Variants in B4GALNT3 observed in about 807,000 individuals in gnomAD.
B4GALNT3 encodes beta-1,4-N-acetylgalactosaminyltransferase 3.
A neutral mutation model predicts 120.2 loss-of-function variants in B4GALNT3; 86 were observed. That is an observed-to-expected ratio of 0.72 (90% confidence interval 0.60 to 0.86). B4GALNT3 has a LOEUF of 0.86. Among genes scored for constraint, B4GALNT3 ranks in the 40% least tolerant of loss-of-function variants. B4GALNT3 has a pLI of 0.00. For synonymous variants in B4GALNT3, 518 were observed against 510.4 expected, an observed-to-expected ratio of 1.01 and a Z score of -0.20; for missense variants, 1,167 against 1,298.9, an observed-to-expected ratio of 0.90 and a Z score of 1.56.
intron 1 of B4GALNT3, among the ~76,000 whole-genome samples, chr12:498,100 G>A (rs73590377): frequency 0.037 from 5,655 of 152,100 alleles, 334 homozygotes; most frequent in African/African-American, 0.13. Context: ...CTGCCCTGTC[G>A]GTTGCGAAGT....
rs386375353 is a variant in B4GALNT3, at chr12:474,947, CA to C, written c.169+14422del. Among the ~76,000 whole-genome samples, 433 of 60,618 alleles carry C rather than the reference CA, an allele frequency of 7.1e-3. 4 individuals are homozygous for C. The highest frequency in any genetic ancestry group is 0.028 in the African/African-American group (372 of 13,312). 39.8% of individuals were successfully genotyped at this position (60,618 alleles called of 152,430 possible). On this transcript the variant is annotated intron_variant, in intron 1 of 19. Coordinates refer to ENST00000266383, the MANE Select transcript of B4GALNT3 (RefSeq NM_173593.4). ...TGGGTGACAGAGGGAGACCTTGTCT[CA>C]AAAAAAAAAAAAAAAAAAAGCCAAG... is the stretch of plus-strand genomic sequence containing the variant.
intron 1 of B4GALNT3, among the ~76,000 whole-genome samples, chr12:475,673 A>G (rs1042935635): frequency 6.6e-6 from 1 of 151,972 alleles, no homozygotes; most frequent in African/African-American, 2.4e-5. Context: ...TTCCTCAATT[A>G]TTTTAGAACC....
intron 19 of B4GALNT3, among the ~76,000 whole-genome samples, chr12:559,661 C>T (rs1947203274): frequency 6.6e-6 from 1 of 152,058 alleles, no homozygotes; most frequent in Admixed American, 6.6e-5. Context: ...ATTAACATGC[C>T]TGGTACACCG....
intron 16 of B4GALNT3, 78 bp from the exon 17 acceptor site, chr12:557,938 C>A: frequency 1.3e-6 from 2 of 1,543,524 alleles, no homozygotes; most frequent in Non-Finnish European, 1.8e-6. Flanking sequence ...CATCATCTCT[C>A]TTCTATGCCT....
intron 4 of B4GALNT3, 83 bp downstream of exon 4, chr12:544,517 C>G (rs897765500): frequency 8.8e-6 from 11 of 1,245,130 alleles, no homozygotes; most frequent in Non-Finnish European, 1.3e-5. Context: ...TTCCTTACAT[C>G]TTTTCTGGTC....
Position 550,893 on chromosome 12 carries a change from CCTCACT to C in B4GALNT3, c.998-27_998-22del, listed in dbSNP as rs773852783. On this transcript the variant is annotated intron_variant, in intron 10 of 19. Transcript: ENST00000266383. The surrounding 1 kb of genome is among the most constrained non-coding windows in gnomAD (Gnocchi z 4.1). ...GCCCCAGTTTCGTGCTCACCCTCAC[CCTCACT>C]CCTCCTCCTCCACTGTCCTCAGTGC... is the stretch of plus-strand genomic sequence containing the variant. 4 of 1,555,618 alleles carry C rather than the reference CCTCACT, an allele frequency of 2.6e-6. No homozygotes were observed. Among genetic ancestry groups the C allele is most frequent in the Non-Finnish European group, 3.5e-6 (4 of 1,128,050 alleles).
chr12:515,467 G>C lies in B4GALNT3; in HGVS notation c.170-19699G>C, dbSNP rs138082569. On this transcript the variant is annotated intron_variant, in intron 1 of 19. Coordinates refer to ENST00000266383, the MANE Select transcript of B4GALNT3 (RefSeq NM_173593.4). ...CTGCCTCAGCCTCCCAAAGTGCTGGGATTTTAGGCGTGAGCCACCGCACCC... is the reference window on the plus strand; with the variant it reads ...CTGCCTCAGCCTCCCAAAGTGCTGGCATTTTAGGCGTGAGCCACCGCACCC... Among the ~76,000 whole-genome samples the C allele has an allele frequency of 9.7e-3, 1,473 of 152,236 alleles. 9 individuals carry two copies. Among genetic ancestry groups the C allele is most frequent in the Non-Finnish European group, 0.014 (986 of 68,022 alleles).
At chr12:507,853 C>G (rs1003447266) in intron 1 of B4GALNT3, among the ~76,000 whole-genome samples, 4 of 142,630 alleles carry the variant, frequency 2.8e-5, no homozygotes, top group Admixed American at 7.0e-5. Context: ...GACACCTGCC[C>G]CTGGAAATCC....
At chr12:534,323 C>T (rs1377607287) in intron 1 of B4GALNT3, among the ~76,000 whole-genome samples, 1 of 152,158 alleles carries the variant, frequency 6.6e-6, no homozygotes, top group African/African-American at 2.4e-5. Context: ...TCCACTTATC[C>T]AAAGCCCAGC....
At chr12:478,359 G>GA (rs1321513826) in intron 1 of B4GALNT3, among the ~76,000 whole-genome samples, 1 of 149,452 alleles carries the variant, frequency 6.7e-6, no homozygotes, top group Non-Finnish European at 1.5e-5. Context: ...CATGAAAATT[G>GA]AAAAAATATT....
At chr12:496,119 C>T (rs1428111738) in intron 1 of B4GALNT3, among the ~76,000 whole-genome samples, 1 of 152,088 alleles carries the variant, frequency 6.6e-6, no homozygotes, top group Non-Finnish European at 1.5e-5. Context: ...TGTCCCCTGT[C>T]CAGGATCATG....
chr12:498,145 G>C (rs1002479270), intron 1 of B4GALNT3, among the ~76,000 whole-genome samples: 1 of 152,140 alleles, frequency 6.6e-6, no homozygotes, highest in Non-Finnish European at 1.5e-5. Flanking sequence ...CTAGTACCTT[G>C]GCAGTGCCCC....
rs891766886 is a variant in B4GALNT3 at position 556,655 on chromosome 12, G to A, written c.2169G>A (p.Val723=). 6.2e-7 allele frequency: 1 copy of A among 1,614,070 alleles called. No homozygotes were observed. Among genetic ancestry groups the A allele is most frequent in the Admixed American group, 1.7e-5 (1 of 60,030 alleles). Residue 723 remains valine (V), a synonymous_variant, in exon 15 of 20, where the codon GTG becomes GTA. Coordinates refer to ENST00000266383, the MANE Select transcript of B4GALNT3 (RefSeq NM_173593.4). ...TGTTGGAACAAGGCCAGCGCGTGGTGCGGCTCTCGGAGTATGTGTCTGCAC... is the reference window on the plus strand; with the variant it reads ...TGTTGGAACAAGGCCAGCGCGTGGTACGGCTCTCGGAGTATGTGTCTGCAC... ...LELLEQGQRV[V]RLSEYVSARG...
chr12:501,752 A>G (rs1237554525), intron 1 of B4GALNT3, among the ~76,000 whole-genome samples: 1 of 152,178 alleles, frequency 6.6e-6, no homozygotes, highest in Non-Finnish European at 1.5e-5. Context: ...CTAATTCAGG[A>G]GGTCTGGGTA....
intron 1 of B4GALNT3, among the ~76,000 whole-genome samples, chr12:487,727 GAAAGA>G (rs988351297): frequency 1.5e-5 from 2 of 133,632 alleles, no homozygotes; most frequent in African/African-American, 2.9e-5. Flanking sequence ...AAAAAAAAAA[GAAAGA>G]AAAGAAGAAG....
intron 1 of B4GALNT3, among the ~76,000 whole-genome samples, chr12:496,755 G>C (rs897062615): frequency 6.6e-6 from 1 of 152,166 alleles, no homozygotes; most frequent in African/African-American, 2.4e-5. Flanking sequence ...CCCTTCCTCA[G>C]ACCCTGGCAA....
chr12:546,409 C>G (rs1357575464), intron 6 of B4GALNT3, among the ~76,000 whole-genome samples: 3 of 152,042 alleles, frequency 2.0e-5, no homozygotes, highest in East Asian at 3.9e-4. Flanking sequence ...TGCTGACTCG[C>G]GCTGCAGGTC....
chr12:514,754 C>T lies in B4GALNT3; in HGVS notation c.170-20412C>T, dbSNP rs192732507. 5.3e-5 allele frequency among the ~76,000 whole-genome samples: 8 copies of T among 152,020 alleles called. No individual in the cohort carries two copies. In the South Asian group the frequency reaches 6.3e-4, roughly 12 times the overall value. On this transcript the variant is annotated intron_variant, in intron 1 of 19. Coordinates refer to ENST00000266383, the MANE Select transcript of B4GALNT3 (RefSeq NM_173593.4). Reference sequence around the variant, plus strand: ...TTAAGAACACAAATTCTGGGCTGGGCGTGGTGGCTTACACCTGTAATCCCA... The same window carrying T: ...TTAAGAACACAAATTCTGGGCTGGGTGTGGTGGCTTACACCTGTAATCCCA...
At chr12:551,762 T>G (rs1592055822) in intron 11 of B4GALNT3, among the ~76,000 whole-genome samples, 2 of 149,218 alleles carry the variant, frequency 1.3e-5, no homozygotes, top group African/African-American at 5.0e-5. Flanking sequence ...GAGGAAGGAG[T>G]GGTTTTGGCT....
Sources: allele counts gnomAD v4.1 joint callset (sites outside exome capture counted in the v4.1 genomes callset), GRCh38; gene constraint gnomAD v4.1.1; non-coding constraint Gnocchi (gnomAD v3.1); transcripts MANE v1.5; gene names NCBI Gene and HGNC (gene_info 2026-07-23, HGNC 2026-07-21).